Variants in DERA observed in about 807,000 individuals in gnomAD.
The protein encoded by DERA is deoxyribose-phosphate aldolase.
Under a neutral mutation model 41.1 loss-of-function variants are expected in DERA, and 15 were observed. The ratio of observed to expected loss-of-function variants is 0.37; its 90% CI spans 0.24 to 0.56. The LOEUF (loss-of-function observed/expected upper bound fraction) is 0.56, where lower values mean the gene tolerates loss of function less well. Ranked by LOEUF, DERA falls within the 20% of genes least tolerant of loss-of-function variation. The pLI, the probability that DERA is intolerant of heterozygous loss-of-function variation, is 0.81. For missense variants in DERA, 396 were observed against 403.4 expected, an observed-to-expected ratio of 0.98 and a Z score of 0.16; for synonymous variants, 139 against 137.4, an observed-to-expected ratio of 1.01 and a Z score of -0.08.
At chr12:15,955,684 G>A (rs1374021869) in intron 1 of DERA, among the ~76,000 whole-genome samples, 2 of 152,148 alleles carry the variant, frequency 1.3e-5, no homozygotes, top group Non-Finnish European at 2.9e-5. Context: ...AGTCCACCTT[G>A]CAATCTCTAT....
At chr12:15,980,567 A>AT in intron 5 of DERA, among the ~76,000 whole-genome samples, 1 of 152,126 alleles carries the variant, frequency 6.6e-6, no homozygotes, top group Admixed American at 6.5e-5. Context: ...GTCTATTACT[A>AT]TTTTTAACAT....
At position 15,999,085 on chromosome 12, in the gene DERA, A is replaced by G. The variant is rs1358318486; in HGVS notation, c.637+16649A>G. On this transcript the variant is annotated intron_variant, in intron 6 of 8. Coordinates refer to ENST00000428559, the MANE Select transcript of DERA (RefSeq NM_015954.4). This position sits in a 1 kb window ranked among gnomAD's most constrained non-coding sequence, Gnocchi z 5.3. ...CAAACTGTGTCGGGGAATGGGAGGA[A>G]ATGAGGGATGGAGGGTTGGTGAGGG... Among the ~76,000 whole-genome samples, 1 of 152,134 alleles carries G rather than the reference A, an allele frequency of 6.6e-6. No homozygotes were observed. The highest frequency in any genetic ancestry group is 2.4e-5 in the African/African-American group (1 of 41,410).
intron 1 of DERA, among the ~76,000 whole-genome samples, chr12:15,944,438 G>A (rs1330267365): frequency 1.1e-4 from 16 of 152,094 alleles, no homozygotes. Flanking sequence ...GTGTGAGATG[G>A]TATCTCATTG....
intron 1 of DERA, among the ~76,000 whole-genome samples, chr12:15,914,091 T>C (rs1375651010): frequency 3.3e-5 from 5 of 152,150 alleles, no homozygotes; most frequent in Non-Finnish European, 7.3e-5. Context: ...CCCTCAAAAA[T>C]GTCTTGAGGC....
Position 16,036,525 on chromosome 12 carries a change from C to T in DERA, c.900+144C>T, listed in dbSNP as rs919367989. 8.3e-5 allele frequency: 94 copies of T among 1,138,886 alleles called. No homozygotes were observed. In the Admixed American group the frequency reaches 1.5e-3, roughly 18 times the overall value. 70.5% of individuals were successfully genotyped at this position (1,138,886 alleles called of 1,614,324 possible). The stretch of plus-strand genomic sequence containing the variant: ...CCTCTACCTTTTCTTCCAAGCAAAC[C>T]GCCATCAGAAGTGAGTAGGGTGGAG... On this transcript the variant is annotated intron_variant, in intron 8 of 8. Coordinates refer to ENST00000428559, the MANE Select transcript of DERA (RefSeq NM_015954.4). This position sits in a 1 kb window ranked among gnomAD's most constrained non-coding sequence, Gnocchi z 4.9.
chr12:15,923,909 A>T (rs1429756462), intron 1 of DERA, among the ~76,000 whole-genome samples: 3 of 152,110 alleles, frequency 2.0e-5, no homozygotes. Context: ...ACATTTATTC[A>T]TCTCCAATTT....
rs914664887 is a variant in DERA at position 16,019,683 on chromosome 12, T to C, written c.638-12859T>C. Among the ~76,000 whole-genome samples, 2 of 152,146 alleles carry C rather than the reference T, an allele frequency of 1.3e-5. No individual in the cohort carries two copies. Among genetic ancestry groups the C allele is most frequent in the South Asian group, 4.1e-4 (2 of 4,832 alleles). ...CCCTCTCATCTTTAAATTTTGTCTC[T>C]CCTTGAAGGTCTGTAACACATTCCA... On this transcript the variant is annotated intron_variant, in intron 6 of 8. Coordinates refer to ENST00000428559, the MANE Select transcript of DERA (RefSeq NM_015954.4). This position sits in a 1 kb window ranked among gnomAD's most constrained non-coding sequence, Gnocchi z 4.4.
chr12:15,971,234 A>G (rs1948657513), intron 5 of DERA, among the ~76,000 whole-genome samples: 1 of 152,226 alleles, frequency 6.6e-6, no homozygotes, highest in Non-Finnish European at 1.5e-5. Context: ...AAACCTTTCA[A>G]ATCAGGAAAT....
Position 15,962,854 on chromosome 12 carries a change from C to A in DERA, c.415C>A (p.Arg139=). 6.4e-7 allele frequency: 1 copy of A among 1,564,388 alleles called. No homozygotes were observed. Among genetic ancestry groups the A allele is most frequent in the Non-Finnish European group, 8.7e-7 (1 of 1,153,160 alleles). ...AGCTGGACAGACTCATTTGAAGACA[C>A]GATTAGAAGAGATCAGATTGGCTGT... ...FPAGQTHLKT[R]LEEIRLAVED... The change falls in exon 5 of 9, where the codon CGA becomes AGA. Residue 139 remains arginine, a synonymous_variant. Transcript: ENST00000428559.
intron 4 of DERA, among the ~76,000 whole-genome samples, chr12:15,961,238 C>T (rs1044731139): frequency 1.3e-5 from 2 of 152,168 alleles, no homozygotes; most frequent in East Asian, 3.9e-4. Flanking sequence ...CAGATAGACA[C>T]GGTAGGACTT....
intron 6 of DERA, among the ~76,000 whole-genome samples, chr12:15,997,671 G>A (rs895644883): frequency 2.7e-5 from 4 of 150,756 alleles, no homozygotes; most frequent in Admixed American, 6.6e-5. Context: ...AAATTTTAAC[G>A]TGGCTCTAAA....
In DERA at chr12:15,962,962, TTACC is replaced by T; in HGVS notation, c.508+18_508+21del. 1 of 1,602,080 alleles carries T rather than the reference TTACC, an allele frequency of 6.2e-7. No homozygotes were observed. The highest frequency in any genetic ancestry group is 8.5e-7 in the Non-Finnish European group (1 of 1,174,088). On this transcript the variant is annotated intron_variant, in intron 5 of 8. Coordinates refer to ENST00000428559, the MANE Select transcript of DERA (RefSeq NM_015954.4). ...CCAGTGGGAAGGTAGGTGCATGCTT[TTACC>T]TAAGAGAGTTTCACCATTCTTCCCT...
intron 6 of DERA, among the ~76,000 whole-genome samples, chr12:16,028,474 A>G (rs1191380641): frequency 6.6e-6 from 1 of 152,242 alleles, no homozygotes; most frequent in African/African-American, 2.4e-5. Flanking sequence ...CCAAGTAATT[A>G]TGTAGCCAAG....
At position 15,982,466 on chromosome 12, in the gene DERA, C is replaced by G. The variant is rs917392839; in HGVS notation, c.637+30C>G. The G allele has an allele frequency of 6.4e-7, 1 of 1,574,328 alleles. No individual in the cohort carries two copies. Among genetic ancestry groups the G allele is most frequent in the Admixed American group, 1.9e-5 (1 of 51,916 alleles). Reference sequence around the variant, plus strand: ...GTGTTTTATGTTCAAATAATGTTTTCTATTGAATTGATGTTTTTAGGAGAA... The same window carrying G: ...GTGTTTTATGTTCAAATAATGTTTTGTATTGAATTGATGTTTTTAGGAGAA... On this transcript the variant is annotated intron_variant, in intron 6 of 8. Coordinates refer to ENST00000428559, the MANE Select transcript of DERA (RefSeq NM_015954.4). The surrounding 1 kb of genome is among the most constrained non-coding windows in gnomAD (Gnocchi z 4.0).
chr12:16,032,762 C>G, intron 7 of DERA, 108 bp downstream of exon 7: 1 of 715,866 alleles, frequency 1.4e-6, no homozygotes, highest in East Asian at 2.8e-5. Flanking sequence ...GAATGAATTA[C>G]CTTTATTAAG....
rs886945881 is a variant in DERA, at chr12:16,000,416, C to A, written c.637+17980C>A. The stretch of plus-strand genomic sequence containing the variant: ...CATTAGCAAGATAACACATGTAAAT[C>A]AAAATGCAGAACTAATACATTTGTT... On this transcript the variant is annotated intron_variant, in intron 6 of 8. Coordinates refer to ENST00000428559, the MANE Select transcript of DERA (RefSeq NM_015954.4). The surrounding 1 kb of genome is among the most constrained non-coding windows in gnomAD (Gnocchi z 4.8). Among the ~76,000 whole-genome samples the A allele has an allele frequency of 6.6e-6, 1 of 152,150 alleles. No individual in the cohort carries two copies. The highest frequency in any genetic ancestry group is 2.4e-5 in the African/African-American group (1 of 41,446).
chr12:15,949,480 G>T (rs1948479681), intron 1 of DERA, among the ~76,000 whole-genome samples: 1 of 152,202 alleles, frequency 6.6e-6, no homozygotes, highest in Non-Finnish European at 1.5e-5. Context: ...GGCTCCGTGG[G>T]CGTGGGACCC....
At chr12:15,939,959 G>T (rs533342444) in intron 1 of DERA, among the ~76,000 whole-genome samples, 3 of 152,188 alleles carry the variant, frequency 2.0e-5, no homozygotes, top group Non-Finnish European at 4.4e-5. Context: ...AGCATATTTG[G>T]ATGAAATTAT....
chr12:15,917,997 T>C (rs7134313), intron 1 of DERA, among the ~76,000 whole-genome samples: 12,669 of 152,238 alleles, frequency 0.083, 1,750 homozygotes, highest in African/African-American at 0.28. Flanking sequence ...CTATCATCTC[T>C]CTGTATCTAC....
Sources: allele counts gnomAD v4.1 joint callset (sites outside exome capture counted in the v4.1 genomes callset), GRCh38; gene constraint gnomAD v4.1.1; non-coding constraint Gnocchi (gnomAD v3.1); transcripts MANE v1.5; gene names NCBI Gene and HGNC (gene_info 2026-07-23, HGNC 2026-07-21).